Variants in RHOA observed in about 807,000 individuals in gnomAD.
The protein encoded by RHOA is transforming protein RhoA.
Under a neutral mutation model 17.5 loss-of-function variants are expected in RHOA, and 3 were observed. The observed-to-expected ratio is 0.17, with a 90% CI of 0.08 to 0.44. The LOEUF is 0.44. Among genes scored for constraint, RHOA ranks in the 20% least tolerant of loss-of-function variants. The probability of loss-of-function intolerance (pLI) is 0.99; values close to 1 mark genes in which losing one functional copy is unlikely to be tolerated. For synonymous variants in RHOA, 98 were observed against 88.4 expected, an observed-to-expected ratio of 1.11 and a Z score of -0.61; for missense variants, 56 against 242.3, an observed-to-expected ratio of 0.23 and a Z score of 5.10.
At chr3:49,386,026 G>GT (rs2048389866) in intron 1 of RHOA, among the ~76,000 whole-genome samples, 1 of 151,942 alleles carries the variant, frequency 6.6e-6, no homozygotes, top group Admixed American at 6.6e-5. Flanking sequence ...CTCCAGCTTT[G>GT]TTTTTTTCCA....
At chr3:49,381,400 C>G in intron 1 of RHOA, among the ~76,000 whole-genome samples, 1 of 137,514 alleles carries the variant, frequency 7.3e-6, no homozygotes, top group African/African-American at 2.6e-5. Context: ...AGAAAAACCC[C>G]GTCTCAAAAA....
chr3:49,369,843 G>A (rs1297087902), intron 2 of RHOA, among the ~76,000 whole-genome samples: 1 of 152,150 alleles, frequency 6.6e-6, no homozygotes, highest in Non-Finnish European at 1.5e-5. Context: ...CAAGGCGGGC[G>A]GATCACCTGA....
intron 1 of RHOA, among the ~76,000 whole-genome samples, chr3:49,392,142 T>TA (rs1246950655): frequency 1.3e-5 from 2 of 151,992 alleles, no homozygotes; most frequent in African/African-American, 2.4e-5. Context: ...AATTTATCTT[T>TA]AAAAAAACAA....
chr3:49,409,142 C>T (rs1472751635), intron 1 of RHOA, among the ~76,000 whole-genome samples: 3 of 151,684 alleles, frequency 2.0e-5, no homozygotes, highest in Admixed American at 6.6e-5. Flanking sequence ...CCCTTGTAAT[C>T]CCAGCACTTT....
At chr3:49,401,040 T>TGAAAAAAAAAAAAAAA (rs2048715370) in intron 1 of RHOA, among the ~76,000 whole-genome samples, 1 of 5,240 alleles carries the variant, frequency 1.9e-4, no homozygotes, top group Non-Finnish European at 4.2e-4. Context: ...AGACTCCGTC[T>TGAAAAAAAAAAAAAAA]CAAAAAAAAA....
At chr3:49,363,653 A>C (rs896251928) in intron 3 of RHOA, among the ~76,000 whole-genome samples, 6 of 151,888 alleles carry the variant, frequency 4.0e-5, no homozygotes, top group Non-Finnish European at 7.4e-5. Context: ...GGAGTTCGAG[A>C]CCAGCCTGGC....
chr3:49,410,699 A>G (rs2048918090), intron 1 of RHOA, among the ~76,000 whole-genome samples: 1 of 152,256 alleles, frequency 6.6e-6, no homozygotes, highest in Non-Finnish European at 1.5e-5. Context: ...GGGTGATACT[A>G]AGTGGTTGAA....
chr3:49,367,342 CAAAAAAAAAA>C (rs62926260), intron 3 of RHOA, among the ~76,000 whole-genome samples: 33,826 of 81,576 alleles, frequency 0.41, 5,292 homozygotes, highest in Middle Eastern at 0.52. Flanking sequence ...GACTCCCTCT[CAAAAAAAAAA>C]AAAAAAAAAA....
intron 1 of RHOA, among the ~76,000 whole-genome samples, chr3:49,385,401 A>C (rs756327159): frequency 2.6e-5 from 4 of 151,852 alleles, no homozygotes; most frequent in Admixed American, 2.0e-4. Context: ...TTTTTAGTAG[A>C]GACGGGGTTT....
chr3:49,395,290 T>C (rs1397566831), intron 1 of RHOA, among the ~76,000 whole-genome samples: 1 of 149,212 alleles, frequency 6.7e-6, no homozygotes, highest in African/African-American at 2.5e-5. Flanking sequence ...TTTTTGAAAA[T>C]AAGGGTGGAA....
rs1309843438 is a variant in RHOA, at chr3:49,375,420, A to G, written c.156+14T>C. 2 of 1,596,814 alleles carry G rather than the reference A, an allele frequency of 1.3e-6. No homozygotes were observed. Among genetic ancestry groups the G allele is most frequent in the African/African-American group, 1.3e-5 (1 of 74,174 alleles). Reference sequence around the variant, plus strand: ...ATGGAAAATGGCATCAGTTGTTATGAAAAGTATACTCACCTGCTTTCCATC... The same window carrying G: ...ATGGAAAATGGCATCAGTTGTTATGGAAAGTATACTCACCTGCTTTCCATC... On this transcript the variant is annotated intron_variant, in intron 2 of 4. Transcript: ENST00000418115.
rs1054198606 is a variant in RHOA at position 49,359,850 on chromosome 3, A to G, written c.*359T>C. 42 of 261,432 alleles carry G rather than the reference A, an allele frequency of 1.6e-4. No individual in the cohort carries two copies. The highest frequency in any genetic ancestry group is 8.7e-4 in the African/African-American group (40 of 45,878). 16.2% of individuals were successfully genotyped at this position (261,432 alleles called of 1,614,324 possible). On this transcript the variant is annotated 3_prime_UTR_variant, in exon 5 of 5. Transcript: ENST00000418115. ...CACCAGAGTACCTTGCAGCTGACAG[A>G]TAATAGGCAGGACATGTTAGTTATA...
chr3:49,386,835 G>C (rs944802484), intron 1 of RHOA, among the ~76,000 whole-genome samples: 4 of 151,888 alleles, frequency 2.6e-5, no homozygotes, highest in Non-Finnish European at 5.9e-5. Flanking sequence ...TTACATGACC[G>C]GGCGTGGCAG....
intron 1 of RHOA, among the ~76,000 whole-genome samples, chr3:49,389,035 T>C (rs1219083919): frequency 6.6e-6 from 1 of 151,964 alleles, no homozygotes. Context: ...CCAGAATAGG[T>C]AAATCTACAG....
In RHOA at chr3:49,375,870, C is replaced by T. The variant is rs186619422; in HGVS notation, c.-2-279G>A. 8.0e-4 allele frequency among the ~76,000 whole-genome samples: 122 copies of T among 151,594 alleles called. 2 individuals are homozygous for T. The East Asian group carries it at 0.02, about 25-fold the overall frequency. The stretch of plus-strand genomic sequence containing the variant: ...TTGCCACTTCTTTTTTTTTTTGAGA[C>T]GGAGTCTCACTCTGTCGCCCAGGCT... On this transcript the variant is annotated intron_variant, in intron 1 of 4. Coordinates refer to ENST00000418115, the MANE Select transcript of RHOA (RefSeq NM_001664.4).
chr3:49,378,339 G>C (rs1432814559), intron 1 of RHOA, among the ~76,000 whole-genome samples: 1 of 131,340 alleles, frequency 7.6e-6, no homozygotes, highest in African/African-American at 2.9e-5. Flanking sequence ...CTCCACCTCC[G>C]AGGCTCAAGT....
chr3:49,386,106 CA>C (rs1448107035), intron 1 of RHOA, among the ~76,000 whole-genome samples: 1 of 152,002 alleles, frequency 6.6e-6, no homozygotes, highest in Non-Finnish European at 1.5e-5. Context: ...TCAATTTCTG[CA>C]AAAAAGCCAG....
At chr3:49,372,161 T>C (rs913513581) in intron 2 of RHOA, among the ~76,000 whole-genome samples, 1 of 152,184 alleles carries the variant, frequency 6.6e-6, no homozygotes, top group East Asian at 1.9e-4. Context: ...ATCCTGAAGA[T>C]GTCATCACAT....
intron 1 of RHOA, among the ~76,000 whole-genome samples, chr3:49,396,256 T>C (rs2048614397): frequency 1.3e-5 from 2 of 151,992 alleles, no homozygotes; most frequent in Non-Finnish European, 2.9e-5. Context: ...CACTGAGATA[T>C]GTGGTGGAAA....
Sources: allele counts gnomAD v4.1 joint callset (sites outside exome capture counted in the v4.1 genomes callset), GRCh38; gene constraint gnomAD v4.1.1; transcripts MANE v1.5; gene names NCBI Gene and HGNC (gene_info 2026-07-23, HGNC 2026-07-21).